The following VSIG1 variants were observed in gnomAD, a reference collection of about 807,000 sequenced individuals.
The protein encoded by VSIG1 is V-set and immunoglobulin domain-containing protein 1.
Under a neutral mutation model 20.1 loss-of-function variants are expected in VSIG1, and 11 were observed. The observed-to-expected ratio is 0.55, with a 90% CI of 0.34 to 0.91. The LOEUF (loss-of-function observed/expected upper bound fraction) is 0.91, where lower values mean the gene tolerates loss of function less well. VSIG1 is among the 40% of genes least tolerant of loss of function. The probability of loss-of-function intolerance (pLI) is 0.02; values close to 1 mark genes in which losing one functional copy is unlikely to be tolerated. For synonymous variants in VSIG1, 126 were observed against 116.7 expected (o/e 1.08, Z -0.52); for missense variants, 283 against 298.8 (o/e 0.95, Z 0.39).
the VSIG1 span, among the ~76,000 whole-genome samples, chrX:108,036,086 A>G: frequency 5.1e-5 from 5 of 98,881 alleles, no homozygotes; most frequent in Non-Finnish European, 8.1e-5. Context: ...AGCATTTCGT[A>G]GCTCTTATCA....
Position 108,073,519 on chromosome X carries a change from C to T in VSIG1, c.688+150C>T, listed in dbSNP as rs983470228. 9.5e-6 allele frequency: 6 copies of T among 631,502 alleles called. No homozygotes were observed. In the East Asian group the frequency reaches 1.7e-4, roughly 17 times the overall value. 52.0% of individuals were successfully genotyped at this position (631,502 alleles called of 1,213,427 possible). ...TATACAGGCTGATATGATGAATGACCATCCTAATATCTAATGCTCACATAA... is the reference window on the plus strand; with the variant it reads ...TATACAGGCTGATATGATGAATGACTATCCTAATATCTAATGCTCACATAA... On this transcript the variant is annotated intron_variant, in intron 5 of 6. Coordinates refer to ENST00000217957, the MANE Select transcript of VSIG1 (RefSeq NM_182607.5).
chrX:108,053,990 A>G lies in VSIG1; in HGVS notation c.50-4048A>G, dbSNP rs751056031. The stretch of plus-strand genomic sequence containing the variant: ...TCTTGGAATATATCTCCCTGGAATA[A>G]GGGGGAACTACTCTATATGCTATTC... On this transcript the variant is annotated intron_variant, in intron 1 of 6. Coordinates refer to ENST00000217957, the MANE Select transcript of VSIG1 (RefSeq NM_182607.5). Among the ~76,000 whole-genome samples, 15 of 111,686 alleles carry G rather than the reference A, an allele frequency of 1.3e-4. 1 individual carries two copies. In the South Asian group the frequency reaches 5.6e-3, roughly 42 times the overall value.
At chrX:108,074,239 T>C (rs988598613) in intron 5 of VSIG1, among the ~76,000 whole-genome samples, 1 of 112,402 alleles carries the variant, frequency 8.9e-6, no homozygotes, top group Non-Finnish European at 1.9e-5. Context: ...ACTTTCTTCC[T>C]TTTATTTCTC....
the VSIG1 span, among the ~76,000 whole-genome samples, chrX:108,036,637 T>G: frequency 8.9e-6 from 1 of 111,982 alleles, no homozygotes. Flanking sequence ...TTCTGCATGG[T>G]TCTTCCCTCT....
chrX:108,033,750 G>A, the VSIG1 span, among the ~76,000 whole-genome samples: 6 of 110,366 alleles, frequency 5.4e-5, no homozygotes, highest in Non-Finnish European at 7.6e-5. Flanking sequence ...CACTGGGGGA[G>A]GCTGATGTGG....
chrX:108,059,115 C>T (rs1245936110), intron 2 of VSIG1, among the ~76,000 whole-genome samples: 1 of 111,798 alleles, frequency 8.9e-6, no homozygotes, highest in Non-Finnish European at 1.9e-5. Context: ...AGAGAAGAGA[C>T]AAGTCGGTGT....
rs1403689086 is a variant in VSIG1 at position 108,047,869 on chromosome X, T to TAC, written c.49+2694_49+2695dup. ...ACATATATATATACACATATATATA[T>TAC]ACACATATATATATATACACACATA... On this transcript the variant is annotated intron_variant, in intron 1 of 6. Coordinates refer to ENST00000217957, the MANE Select transcript of VSIG1 (RefSeq NM_182607.5). Among the ~76,000 whole-genome samples the TAC allele has an allele frequency of 4.3e-4, 25 of 58,467 alleles. 2 individuals carry two copies. The highest frequency in any genetic ancestry group is 2.0e-3 in the African/African-American group (18 of 8,953). 50.8% of individuals were successfully genotyped at this position (58,467 alleles called of 115,157 possible). A position where few individuals can be genotyped will look rare whatever the true frequency, so the allele number is the denominator to read the frequency against.
the VSIG1 span, among the ~76,000 whole-genome samples, chrX:108,039,811 A>G: frequency 9.0e-6 from 1 of 111,465 alleles, no homozygotes; most frequent in South Asian, 3.8e-4. Context: ...TGAGAAAACG[A>G]GAAGACTCAA....
At chrX:108,064,739 T>A (rs1201260192) in intron 2 of VSIG1, 1 of 751,851 alleles carries the variant, frequency 1.3e-6, no homozygotes, top group African/African-American at 2.3e-5. Flanking sequence ...AGTGGCCAGA[T>A]GTTGAGGCTG....
chrX:108,072,698 G>A lies in VSIG1; in HGVS notation c.434G>A (p.Cys145Tyr), dbSNP rs768623556. The change falls in exon 4 of 7, where the codon TGT (cysteine) becomes TAT (tyrosine). Residue 145 changes from cysteine (C) to tyrosine (Y), a missense_variant. Coordinates refer to ENST00000217957, the MANE Select transcript of VSIG1 (RefSeq NM_182607.5). ...SVLVKPSKPL[C>Y]SVQGRPETGH... ...ACAGTGAAACCTTCTAAGCCCCTTT[G>A]TAGCGTTCAAGGAAGACCAGAAACT... is the stretch of plus-strand genomic sequence containing the variant. 1.1e-5 allele frequency: 13 copies of A among 1,211,323 alleles called. No individual in the cohort carries two copies. In the South Asian group the frequency reaches 2.3e-4, roughly 21 times the overall value.
chrX:108,068,702 A>G (rs974712202), intron 3 of VSIG1, among the ~76,000 whole-genome samples: 11 of 112,100 alleles, frequency 9.8e-5, no homozygotes, highest in African/African-American at 3.6e-4. Flanking sequence ...TATCGCCAAA[A>G]TTAGTGATTA....
chrX:108,057,128 G>C (rs911708829), intron 1 of VSIG1, among the ~76,000 whole-genome samples: 1 of 112,220 alleles, frequency 8.9e-6, no homozygotes, highest in African/African-American at 3.2e-5. Context: ...TGAGTAAAAA[G>C]AGTCATCAAT....
chrX:108,071,550 C>G (rs2031243561), intron 3 of VSIG1, among the ~76,000 whole-genome samples: 1 of 111,080 alleles, frequency 9.0e-6, no homozygotes, highest in South Asian at 3.9e-4. Context: ...AGCTAAAACT[C>G]TATGTCCCGG....
At chrX:108,047,921 C>CATATATATATACACAT (rs2030659103) in intron 1 of VSIG1, among the ~76,000 whole-genome samples, 1 of 60,899 alleles carries the variant, frequency 1.6e-5, no homozygotes, top group Non-Finnish European at 2.7e-5. Context: ...TATATATACA[C>CATATATATATACACAT]ATATATATAT....
Position 108,078,215 on chromosome X carries a change from T to C in VSIG1, c.*834T>C, listed in dbSNP as rs371473229. 8.0e-5 allele frequency: 9 copies of C among 112,199 alleles called. 1 individual carries two copies. Among genetic ancestry groups the C allele is most frequent in the African/African-American group, 2.9e-4 (9 of 30,886 alleles). 9.2% of individuals were successfully genotyped at this position (112,199 alleles called of 1,213,427 possible). A position where few individuals can be genotyped will look rare whatever the true frequency, so the allele number is the denominator to read the frequency against. On this transcript the variant is annotated 3_prime_UTR_variant, in exon 7 of 7. Coordinates refer to ENST00000217957, the MANE Select transcript of VSIG1 (RefSeq NM_182607.5). ...GGTATACATTAATTGGTACGTAGCA[T>C]TTAAAATCAGGTCTTATAATTAATG...
the VSIG1 span, among the ~76,000 whole-genome samples, chrX:108,031,955 C>T: frequency 8.9e-6 from 1 of 112,178 alleles, no homozygotes; most frequent in African/African-American, 3.2e-5. Context: ...ATCTTTCCTT[C>T]CCTGCCATTC....
chrX:108,029,626 G>A, the VSIG1 span, among the ~76,000 whole-genome samples: 1 of 111,756 alleles, frequency 8.9e-6, no homozygotes, highest in Non-Finnish European at 1.9e-5. Context: ...TTCTATCATT[G>A]GTCCCTAAAA....
intron 1 of VSIG1, among the ~76,000 whole-genome samples, chrX:108,057,355 T>G (rs762774885): frequency 8.9e-6 from 1 of 111,952 alleles, no homozygotes; most frequent in Non-Finnish European, 1.9e-5. Context: ...CTACACATGA[T>G]AAAATAGAGA....
At chrX:108,054,601 A>C (rs942417871) in intron 1 of VSIG1, among the ~76,000 whole-genome samples, 1 of 111,386 alleles carries the variant, frequency 9.0e-6, no homozygotes, top group Non-Finnish European at 1.9e-5. Flanking sequence ...ATTTAAAATA[A>C]TTGAAATCAT....
Sources: allele counts gnomAD v4.1 joint callset (sites outside exome capture counted in the v4.1 genomes callset), GRCh38; gene constraint gnomAD v4.1.1; transcripts MANE v1.5; gene names NCBI Gene and HGNC (gene_info 2026-07-23, HGNC 2026-07-21).